DIS3L2: variants seen among roughly 807,000 people sequenced by gnomAD.
DIS3L2 encodes the protein DIS3-like exonuclease 2.
A neutral mutation model predicts 97.5 loss-of-function variants in DIS3L2; 34 were observed. That is an observed-to-expected ratio of 0.35 (90% CI 0.27 to 0.46). The LOEUF (loss-of-function observed/expected upper bound fraction) is 0.46, where lower values mean the gene tolerates loss of function less well. DIS3L2 is among the 20% of genes least tolerant of loss of function. DIS3L2 has a pLI of 1.00. For synonymous variants in DIS3L2, 435 were observed against 445.2 expected, an observed-to-expected ratio of 0.98 and a Z score of 0.29; for missense variants, 1,038 against 1,146.0, an observed-to-expected ratio of 0.91 and a Z score of 1.36.
intron 3 of DIS3L2, among the ~76,000 whole-genome samples, chr2:232,019,412 G>C (rs1305744906): frequency 6.6e-6 from 1 of 152,036 alleles, no homozygotes; most frequent in African/African-American, 2.4e-5. Flanking sequence ...GCCAGGCATG[G>C]TGATGTGCAC....
At chr2:232,328,121 G>A (rs1695627252) in intron 14 of DIS3L2, among the ~76,000 whole-genome samples, 1 of 152,208 alleles carries the variant, frequency 6.6e-6, no homozygotes. Context: ...CACATCACAG[G>A]CCGTTACTGC....
At chr2:232,120,056 A>T (rs369962512) in intron 6 of DIS3L2, among the ~76,000 whole-genome samples, 2 of 152,004 alleles carry the variant, frequency 1.3e-5, no homozygotes, top group East Asian at 3.9e-4. Flanking sequence ...AGATGATGTT[A>T]TCATAGAATT....
intron 9 of DIS3L2, among the ~76,000 whole-genome samples, chr2:232,181,217 T>C (rs1249255): frequency 0.78 from 114,512 of 147,080 alleles, 45,178 homozygotes; most frequent in African/African-American, 0.89. Flanking sequence ...GTGGGTAACC[T>C]GACCTTTCTC....
At chr2:232,328,470 G>C (rs1004210383) in intron 14 of DIS3L2, 5 of 152,186 alleles carry the variant, frequency 3.3e-5, no homozygotes, top group African/African-American at 1.2e-4. Flanking sequence ...ACCCTGGGTG[G>C]AGGAGGGGCT....
chr2:231,972,454 C>G (rs933832367), intron 1 of DIS3L2, among the ~76,000 whole-genome samples: 1 of 152,238 alleles, frequency 6.6e-6, no homozygotes, highest in African/African-American at 2.4e-5. Flanking sequence ...AATTTTTCAG[C>G]TTCCCTATAA....
At chr2:232,049,964 TG>T (rs1695354253) in intron 5 of DIS3L2, among the ~76,000 whole-genome samples, 1 of 152,234 alleles carries the variant, frequency 6.6e-6, no homozygotes, top group Non-Finnish European at 1.5e-5. Context: ...CTTTTCCTTT[TG>T]CTTGTAGCCA....
intron 5 of DIS3L2, among the ~76,000 whole-genome samples, chr2:232,077,424 T>A (rs1315585825): frequency 6.6e-6 from 1 of 152,192 alleles, no homozygotes; most frequent in Non-Finnish European, 1.5e-5. Context: ...TCAAATAGAT[T>A]AAAATAAGTA....
chr2:232,202,268 C>T (rs770719298), intron 9 of DIS3L2, among the ~76,000 whole-genome samples: 3 of 152,096 alleles, frequency 2.0e-5, no homozygotes, highest in Non-Finnish European at 2.9e-5. Context: ...TGTGGTGGCA[C>T]GCACCTGTAG....
chr2:232,333,302 ACCT>A lies in DIS3L2; in HGVS notation c.2011-523_2011-521del, dbSNP rs201814833. ...CTCTGCCTCCACCTCTGCCATCGCC[ACCT>A]CCTCCTCCTCCTCCCCCACCCCCCG... On this transcript the variant is annotated intron_variant, in intron 16 of 20. Coordinates refer to ENST00000325385, the MANE Select transcript of DIS3L2 (RefSeq NM_152383.5). Among the ~76,000 whole-genome samples the A allele has an allele frequency of 3.4e-3, 383 of 113,290 alleles. 2 individuals carry two copies. Among genetic ancestry groups the A allele is most frequent in the African/African-American group, 0.012 (354 of 28,782 alleles). The allele number at this position is 113,290 out of a possible 152,430, so 74.3% of individuals were successfully genotyped here. A position where few individuals can be genotyped will look rare whatever the true frequency, so the allele number is the denominator to read the frequency against.
At chr2:232,333,756 G>GAGAA in intron 16 of DIS3L2, 84 bp from the exon 17 acceptor site, 29 of 1,487,178 alleles carry the variant, frequency 1.9e-5, no homozygotes, top group Admixed American at 1.4e-4. Context: ...CGCTGCCGAC[G>GAGAA]GTGAGGCTGT....
chr2:232,026,228 C>T (rs1158781709), intron 4 of DIS3L2, among the ~76,000 whole-genome samples: 1 of 152,094 alleles, frequency 6.6e-6, no homozygotes, highest in African/African-American at 2.4e-5. Context: ...ACATCAAAAC[C>T]ACCATCAAGT....
rs200011409 is a variant in DIS3L2 at position 232,136,447 on chromosome 2, T to C, written c.703-25T>C. 4.3e-4 allele frequency: 686 copies of C among 1,611,926 alleles called. 2 individuals carry two copies. Among genetic ancestry groups the C allele is most frequent in the South Asian group, 4.8e-4 (44 of 90,942 alleles). ...AATTCAGTTCTGCAGATAAACAACA[T>C]TGACTATATCTTTGGTGTTTTTAGG... On this transcript the variant is annotated intron_variant, in intron 7 of 20. Coordinates refer to ENST00000325385, the MANE Select transcript of DIS3L2 (RefSeq NM_152383.5).
intron 12 of DIS3L2, among the ~76,000 whole-genome samples, chr2:232,253,617 G>A (rs1382483190): frequency 6.6e-6 from 1 of 152,094 alleles, no homozygotes; most frequent in Non-Finnish European, 1.5e-5. Flanking sequence ...AATGAATTCT[G>A]ATCATTGTCA....
intron 6 of DIS3L2, among the ~76,000 whole-genome samples, chr2:232,103,443 G>A (rs772514944): frequency 6.6e-6 from 1 of 152,122 alleles, no homozygotes; most frequent in African/African-American, 2.4e-5. Context: ...CTCCTCAAGT[G>A]CCTTTTGAGC....
At chr2:232,299,782 T>C (rs1694810512) in intron 13 of DIS3L2, among the ~76,000 whole-genome samples, 2 of 152,248 alleles carry the variant, frequency 1.3e-5, no homozygotes, top group African/African-American at 2.4e-5. Flanking sequence ...AGCTAGCTCA[T>C]GTCTAGCACA....
chr2:232,050,493 C>T (rs1191899907), intron 5 of DIS3L2, among the ~76,000 whole-genome samples: 1 of 150,908 alleles, frequency 6.6e-6, no homozygotes, highest in African/African-American at 2.4e-5. Flanking sequence ...TGGCCAGGCT[C>T]TCGAACTCCT....
chr2:231,973,181 A>G (rs1423331443), intron 1 of DIS3L2, among the ~76,000 whole-genome samples: 2 of 152,210 alleles, frequency 1.3e-5, no homozygotes, highest in African/African-American at 2.4e-5. Flanking sequence ...TTAACTGCAA[A>G]TTCAATTCCT....
chr2:232,019,220 C>G (rs962350513), intron 3 of DIS3L2, among the ~76,000 whole-genome samples: 1 of 152,140 alleles, frequency 6.6e-6, no homozygotes, highest in Non-Finnish European at 1.5e-5. Flanking sequence ...AGATAGAGGT[C>G]AGGATGAACT....
chr2:232,136,503 G>C lies in DIS3L2; in HGVS notation c.734G>C (p.Arg245Pro), dbSNP rs1201462126. Residue 245 changes from arginine (R) to proline (P), a missense_variant, in exon 8 of 21, where the codon CGA becomes CCA. Arg to Pro is a moderately radical substitution (Grantham distance 103, BLOSUM62 -2). Coordinates refer to ENST00000325385, the MANE Select transcript of DIS3L2 (RefSeq NM_152383.5). ...TACATCTTGGAGAAAAAACATTCTC[G>C]AGCAGCAACCGGCTTCCTCAAACTC... The part of the protein sequence containing the change: ...VVYILEKKHS[R>P]AATGFLKLLA... 1.2e-6 allele frequency: 2 copies of C among 1,613,910 alleles called. No homozygotes were observed. The highest frequency in any genetic ancestry group is 4.5e-5 in the East Asian group (2 of 44,882).
Sources: gnomAD v4.1 joint callset for allele counts (sites outside exome capture counted in the v4.1 genomes callset) on GRCh38, gnomAD v4.1.1 for gene constraint, MANE v1.5 for transcripts, NCBI Gene and HGNC (gene_info 2026-07-23, HGNC 2026-07-21) for gene names.